Variants in CTNNA2 observed in about 807,000 individuals in gnomAD.
CTNNA2 encodes catenin alpha-2.
In CTNNA2, 42 loss-of-function variants were observed where a neutral mutation model predicts 101.0. The ratio of observed to expected loss-of-function variants is 0.42; its 90% confidence interval spans 0.32 to 0.54. The LOEUF (loss-of-function observed/expected upper bound fraction) is 0.54. Among genes scored for constraint, CTNNA2 ranks in the 20% least tolerant of loss-of-function variants. The pLI is 0.14. For missense variants in CTNNA2, 871 were observed against 1,223.1 expected, an observed-to-expected ratio of 0.71 and a Z score of 4.29; for synonymous variants, 450 against 456.4, an observed-to-expected ratio of 0.99 and a Z score of 0.18.
At chr2:80,017,778 G>A (rs942927514) in intron 7 of CTNNA2, among the ~76,000 whole-genome samples, 2 of 152,028 alleles carry the variant, frequency 1.3e-5, no homozygotes, top group African/African-American at 2.4e-5. Flanking sequence ...AAGAAATAGC[G>A]CTTCTGGTTT....
chr2:80,624,049 C>G (rs1438479623), intron 18 of CTNNA2, among the ~76,000 whole-genome samples: 2 of 151,898 alleles, frequency 1.3e-5, no homozygotes, highest in Non-Finnish European at 2.9e-5. Flanking sequence ...TGTAAACATT[C>G]AAGAGACCAT....
intron 2 of CTNNA2, among the ~76,000 whole-genome samples, chr2:79,660,194 A>G: frequency 6.6e-6 from 1 of 150,618 alleles, no homozygotes; most frequent in Non-Finnish European, 1.5e-5. Context: ...ACAAATACAA[A>G]TACTATGTAT....
At chr2:80,462,148 C>T (rs892284886) in intron 9 of CTNNA2, among the ~76,000 whole-genome samples, 3 of 152,156 alleles carry the variant, frequency 2.0e-5, no homozygotes, top group Admixed American at 1.3e-4. Flanking sequence ...AAAACAAGAT[C>T]TCATGGCATT....
At chr2:80,039,489 C>T (rs902215610) in intron 7 of CTNNA2, among the ~76,000 whole-genome samples, 2 of 152,180 alleles carry the variant, frequency 1.3e-5, no homozygotes, top group African/African-American at 2.4e-5. Flanking sequence ...CAGTAATGCC[C>T]TCTCCTGACT....
At chr2:80,633,655 C>CAA (rs1489325624) in intron 18 of CTNNA2, among the ~76,000 whole-genome samples, 1 of 152,136 alleles carries the variant, frequency 6.6e-6, no homozygotes, top group East Asian at 1.9e-4. Flanking sequence ...TATGAGCCTT[C>CAA]AAGTAGACCA....
At chr2:80,394,086 T>C (rs575599733) in intron 8 of CTNNA2, among the ~76,000 whole-genome samples, 194 of 152,338 alleles carry the variant, frequency 1.3e-3, no homozygotes, top group Non-Finnish European at 2.4e-3. Context: ...GCTATGTCCA[T>C]CTCATTCACT....
At chr2:79,627,422 T>C (rs1384352952) in intron 1 of CTNNA2, among the ~76,000 whole-genome samples, 1 of 152,194 alleles carries the variant, frequency 6.6e-6, no homozygotes, top group African/African-American at 2.4e-5. Context: ...TGTCATCCTG[T>C]AAATACCCAG....
At chr2:79,750,597 T>C (rs1310459947) in intron 3 of CTNNA2, among the ~76,000 whole-genome samples, 1 of 152,232 alleles carries the variant, frequency 6.6e-6, no homozygotes, top group East Asian at 1.9e-4. Flanking sequence ...GCGTGGCGAC[T>C]TGCGCCTATA....
At chr2:79,686,712 A>T (rs1010996840) in intron 2 of CTNNA2, among the ~76,000 whole-genome samples, 6 of 152,132 alleles carry the variant, frequency 3.9e-5, no homozygotes, top group African/African-American at 1.4e-4. Flanking sequence ...GTAACATCTA[A>T]ATATTGGATA....
chr2:79,829,360 T>TACACACACACACAC lies in CTNNA2; in HGVS notation c.299-28611_299-28598dup, dbSNP rs55934940. On this transcript the variant is annotated intron_variant, in intron 3 of 18. Coordinates refer to ENST00000402739, the MANE Select transcript of CTNNA2 (RefSeq NM_001282597.3). Reference sequence around the variant, plus strand: ...GGTGAAACCCCGTCTCAACTAAAACTACACACACACACACACACACACACA... The same window carrying TACACACACACACAC: ...GGTGAAACCCCGTCTCAACTAAAACTACACACACACACACACACACACACACACACACACACACA... Among the ~76,000 whole-genome samples, 204 of 113,198 alleles carry TACACACACACACAC rather than the reference T, an allele frequency of 1.8e-3. 1 individual carries two copies. The highest frequency in any genetic ancestry group is 4.9e-3 in the African/African-American group (139 of 28,322). 74.3% of individuals were successfully genotyped at this position (113,198 alleles called of 152,430 possible). A position where few individuals can be genotyped will look rare whatever the true frequency, so the allele number is the denominator to read the frequency against.
chr2:79,276,237 A>G (rs1339825809), intron 2 of CTNNA2, among the ~76,000 whole-genome samples: 2 of 152,240 alleles, frequency 1.3e-5, no homozygotes, highest in South Asian at 2.1e-4. Context: ...ATTATTACGC[A>G]TAAGTCCTCT....
chr2:80,443,281 A>T (rs1003429873), intron 9 of CTNNA2, among the ~76,000 whole-genome samples: 5 of 152,226 alleles, frequency 3.3e-5, no homozygotes, highest in African/African-American at 1.2e-4. Context: ...TAGAATGGAG[A>T]ACAAGGTGTG....
chr2:79,930,251 AAAG>A (rs1687298300), intron 7 of CTNNA2, among the ~76,000 whole-genome samples: 1 of 14,054 alleles, frequency 7.1e-5, no homozygotes, highest in South Asian at 2.2e-3. Flanking sequence ...TCAAAGAAAG[AAAG>A]AAAGAAAGAA....
chr2:79,912,435 C>T (rs1187517094), intron 7 of CTNNA2, among the ~76,000 whole-genome samples: 1 of 152,212 alleles, frequency 6.6e-6, no homozygotes, highest in Non-Finnish European at 1.5e-5. Context: ...GATATTTCCA[C>T]AAATGTGTAT....
chr2:79,931,750 G>C (rs1018515272), intron 7 of CTNNA2, among the ~76,000 whole-genome samples: 2 of 152,094 alleles, frequency 1.3e-5, no homozygotes, highest in Admixed American at 1.3e-4. Context: ...TAAAAGGGGA[G>C]AGAGGCAGAC....
intron 1 of CTNNA2, among the ~76,000 whole-genome samples, chr2:79,519,000 A>G (rs13386438): frequency 2.6e-5 from 4 of 151,854 alleles, no homozygotes; most frequent in Admixed American, 2.6e-4. Flanking sequence ...AGGCTGAGGC[A>G]GGCACATCAC....
At chr2:79,873,968 G>T (rs547705043) in intron 5 of CTNNA2, 108 bp from the exon 6 acceptor site, 19 of 1,484,030 alleles carry the variant, frequency 1.3e-5, no homozygotes, top group Non-Finnish European at 1.6e-5. Context: ...CAGCACAAGG[G>T]TTTCTGAAGT....
intron 18 of CTNNA2, among the ~76,000 whole-genome samples, 170 bp downstream of exon 18, chr2:80,619,398 A>G (rs1428759829): frequency 1.3e-5 from 2 of 151,968 alleles, no homozygotes; most frequent in Admixed American, 6.6e-5. Flanking sequence ...GAAATTCCAC[A>G]GCACAGATAT....
At chr2:79,316,119 G>A (rs772589181) in intron 3 of CTNNA2, among the ~76,000 whole-genome samples, 6 of 152,050 alleles carry the variant, frequency 3.9e-5, no homozygotes, top group Non-Finnish European at 8.8e-5. Flanking sequence ...GTATTTTTGT[G>A]TTTGGTGTGA....
Sources: gnomAD v4.1 joint callset for allele counts (sites outside exome capture counted in the v4.1 genomes callset) on GRCh38, gnomAD v4.1.1 for gene constraint, MANE v1.5 for transcripts, NCBI Gene and HGNC (gene_info 2026-07-23, HGNC 2026-07-21) for gene names.